Variants in SCNN1B observed in about 807,000 individuals in gnomAD.
SCNN1B encodes sodium channel epithelial 1 subunit beta, also known as epithelial sodium channel subunit beta.
Under a neutral mutation model 65.3 loss-of-function variants are expected in SCNN1B, and 46 were observed. The ratio of observed to expected loss-of-function variants is 0.70; its 90% CI spans 0.56 to 0.90. The LOEUF (loss-of-function observed/expected upper bound fraction) is 0.90. Ranked by LOEUF, SCNN1B falls within the 40% of genes least tolerant of loss-of-function variation. The probability of loss-of-function intolerance (pLI) is 0.00; values close to 1 mark genes in which losing one functional copy is unlikely to be tolerated. For synonymous variants in SCNN1B, 349 were observed against 330.6 expected (o/e 1.06, Z -0.60); for missense variants, 751 against 830.5 (o/e 0.90, Z 1.18).
At chr16:23,306,551 A>G (rs1022579343) in intron 1 of SCNN1B, among the ~76,000 whole-genome samples, 12 of 152,226 alleles carry the variant, frequency 7.9e-5, no homozygotes, top group Admixed American at 3.3e-4. Context: ...AGGGAGAAGG[A>G]AGGAAAGTAA....
chr16:23,300,187 GT>G (rs1961053582), upstream of SCNN1B, among the ~76,000 whole-genome samples: 2 of 152,282 alleles, frequency 1.3e-5, no homozygotes, highest in South Asian at 4.1e-4. Context: ...ACCAGAGCCT[GT>G]CAGGGGGTGG....
intron 1 of SCNN1B, among the ~76,000 whole-genome samples, chr16:23,315,648 C>T (rs59618367): frequency 0.5 from 76,679 of 151,862 alleles, 23,362 homozygotes; most frequent in African/African-American, 0.87. Flanking sequence ...TCTATAAATT[C>T]TTTTTCTTAA....
chr16:23,324,700 CCA>C (rs1380494902), intron 1 of SCNN1B, among the ~76,000 whole-genome samples: 1 of 152,146 alleles, frequency 6.6e-6, no homozygotes, highest in Non-Finnish European at 1.5e-5. Context: ...CTACCCCACC[CCA>C]CACACACACG....
chr16:23,316,575 C>T (rs1448689100), intron 1 of SCNN1B, among the ~76,000 whole-genome samples: 3 of 130,666 alleles, frequency 2.3e-5, no homozygotes, highest in Admixed American at 2.1e-4. Context: ...CTCACCATCA[C>T]CACCATCACC....
rs202228096 is a variant in SCNN1B at position 23,310,290 on chromosome 16, CAAAAAAAA to C, written c.-9+7869_-9+7876del. Among the ~76,000 whole-genome samples, 305 of 92,992 alleles carry C rather than the reference CAAAAAAAA, an allele frequency of 3.3e-3. 1 individual carries two copies. The highest frequency in any genetic ancestry group is 0.021 in the South Asian group (64 of 3,084). 61.0% of individuals were successfully genotyped at this position (92,992 alleles called of 152,430 possible). On this transcript the variant is annotated intron_variant, in intron 1 of 12. Coordinates refer to ENST00000343070, the MANE Select transcript of SCNN1B (RefSeq NM_000336.3). ...TAAAAGTTAGTATGTTCTGCATGAC[CAAAAAAAA>C]AAAAAAAAAAAAAAACCCACATAAA...
At chr16:23,370,079 C>T (rs532724317) in intron 5 of SCNN1B, among the ~76,000 whole-genome samples, 1 of 152,236 alleles carries the variant, frequency 6.6e-6, no homozygotes, top group East Asian at 1.9e-4. Context: ...TACAGGCATG[C>T]GCCACAATGC....
chr16:23,323,626 G>A (rs1384778075), intron 1 of SCNN1B: 2 of 702,604 alleles, frequency 2.8e-6, no homozygotes, highest in Non-Finnish European at 5.2e-6. Context: ...ACCCAACTGG[G>A]GTTTGAACCC....
rs548045384 is a variant in SCNN1B, at chr16:23,329,381, G to A, written c.-8-19211G>A. Among the ~76,000 whole-genome samples the A allele has an allele frequency of 1.2e-4, 18 of 152,294 alleles. No individual in the cohort carries two copies. The East Asian group carries it at 3.5e-3, about 29-fold the overall frequency. On this transcript the variant is annotated intron_variant, in intron 1 of 12. Transcript: ENST00000343070. ...TCCTCCCACCTCGGCCTCCCAAAGT[G>A]CTTGGATTACAGTTGGGAACCACTG...
chr16:23,371,951 A>G, intron 7 of SCNN1B, 68 bp downstream of exon 7: 1 of 1,145,240 alleles, frequency 8.7e-7, no homozygotes, highest in Non-Finnish European at 1.3e-6. Context: ...AGGCCTCAGT[A>G]CTCCGGGAGA....
intron 2 of SCNN1B, among the ~76,000 whole-genome samples, chr16:23,287,056 G>A (rs2369430): frequency 0.24 from 35,749 of 149,718 alleles, 4,570 homozygotes; most frequent in Middle Eastern, 0.31. Flanking sequence ...CCAGGCTGGA[G>A]TACAATGGGG....
rs755426800 is a variant in SCNN1B at position 23,380,146 on chromosome 16, A to G, written c.1519A>G (p.Ile507Val). The change falls in exon 12 of 13, where the codon ATT (isoleucine) becomes GTT (valine). Residue 507 changes from isoleucine to valine, a missense_variant. Ile to Val is a conservative substitution (Grantham distance 29, BLOSUM62 3). Transcript: ENST00000343070. This position sits in a 1 kb window ranked among gnomAD's most constrained non-coding sequence, Gnocchi z 5.4. The stretch of plus-strand genomic sequence containing the variant: ...CTTCCAAGAATTTAACTATCGCACC[A>G]TTGAAGAATCAGCAGCCAATAACGT... ...IYFQEFNYRT[I>V]EESAANNIVW... is the part of the protein sequence containing the mutation. The G allele has an allele frequency of 1.9e-6, 3 of 1,614,042 alleles. No individual in the cohort carries two copies. The highest frequency in any genetic ancestry group is 4.5e-5 in the East Asian group (2 of 44,852).
chr16:23,286,436 A>G (rs1960852034), intron 2 of SCNN1B, among the ~76,000 whole-genome samples: 1 of 152,256 alleles, frequency 6.6e-6, no homozygotes, highest in Non-Finnish European at 1.5e-5. Context: ...CAATGGAAGG[A>G]TCTGGTTGTC....
At chr16:23,315,172 T>C (rs1388617339) in intron 1 of SCNN1B, among the ~76,000 whole-genome samples, 1 of 152,060 alleles carries the variant, frequency 6.6e-6, no homozygotes, top group African/African-American at 2.4e-5. Context: ...TCCCCGTTTC[T>C]ACTAAAAATG....
chr16:23,303,691 G>A (rs1434103767), intron 1 of SCNN1B, among the ~76,000 whole-genome samples: 1 of 151,738 alleles, frequency 6.6e-6, no homozygotes, highest in Admixed American at 6.6e-5. Flanking sequence ...TGAGGAGGGC[G>A]GATCACTTGA....
chr16:23,331,998 G>A (rs1961822113), intron 1 of SCNN1B, among the ~76,000 whole-genome samples: 1 of 152,094 alleles, frequency 6.6e-6, no homozygotes, highest in Admixed American at 6.6e-5. Flanking sequence ...GGTGTGCTGA[G>A]CTCTGAGGAA....
rs551756081 is a variant in SCNN1B at position 23,290,673 on chromosome 16, C to A, written n.178+6869C>A. Among the ~76,000 whole-genome samples the A allele has an allele frequency of 4.6e-5, 7 of 152,154 alleles. No homozygotes were observed. In the South Asian group the frequency reaches 1.5e-3, roughly 32 times the overall value. ...AAGACTGTTTATTTCTAAACCCCTA[C>A]GTGTAAAAAATTTAATTTTAATTAA... On this transcript the variant is annotated intron_variant and non_coding_transcript_variant, in intron 2 of 3. Transcript: ENST00000569789.
intron 7 of SCNN1B, chr16:23,372,322 G>C (rs1483466557): frequency 3.8e-6 from 1 of 260,364 alleles, no homozygotes; most frequent in East Asian, 8.6e-5. Flanking sequence ...AATAATAGCA[G>C]GGTTACCATG....
chr16:23,369,105 AGTTT>A (rs1005839806), intron 5 of SCNN1B, among the ~76,000 whole-genome samples: 5 of 152,314 alleles, frequency 3.3e-5, no homozygotes, highest in African/African-American at 9.6e-5. Flanking sequence ...TCTGGTGTAC[AGTTT>A]GTTTGTTTGT....
chr16:23,320,539 T>C (rs530571134), intron 1 of SCNN1B, among the ~76,000 whole-genome samples: 1 of 152,344 alleles, frequency 6.6e-6, no homozygotes, highest in South Asian at 2.1e-4. Context: ...CTGACCAGAC[T>C]CAAGGGGTTT....
Sources: gnomAD v4.1 joint callset for allele counts (sites outside exome capture counted in the v4.1 genomes callset) on GRCh38, gnomAD v4.1.1 for gene constraint, Gnocchi (gnomAD v3.1) non-coding constraint, MANE v1.5 for transcripts, NCBI Gene and HGNC (gene_info 2026-07-23, HGNC 2026-07-21) for gene names.